Variants in ERC2 observed in about 807,000 individuals in gnomAD.
ERC2 encodes the protein ERC protein 2.
A neutral mutation model predicts 114.8 loss-of-function variants in ERC2; 42 were observed. That is an observed-to-expected ratio of 0.37 (90% CI 0.29 to 0.47). ERC2 has a LOEUF of 0.47. ERC2 is among the 20% of genes least tolerant of loss of function. The pLI, the probability that ERC2 is intolerant of heterozygous loss-of-function variation, is 0.99. For synonymous variants in ERC2, 454 were observed against 425.5 expected (o/e 1.07, Z -0.82); for missense variants, 939 against 1,150.7 (o/e 0.82, Z 2.66).
At chr3:55,655,302 T>G (rs890361388) in intron 17 of ERC2, among the ~76,000 whole-genome samples, 1 of 152,074 alleles carries the variant, frequency 6.6e-6, no homozygotes, top group Admixed American at 6.6e-5. Context: ...ATCCTTGTCA[T>G]GTAGTACAAA....
chr3:55,618,658 T>C (rs1297535900), intron 17 of ERC2, among the ~76,000 whole-genome samples: 1 of 152,224 alleles, frequency 6.6e-6, no homozygotes, highest in Admixed American at 6.5e-5. Context: ...ATTAGAAAGA[T>C]ACATAGTTCA....
chr3:56,242,284 A>C (rs1340538825), intron 3 of ERC2, among the ~76,000 whole-genome samples: 1 of 152,116 alleles, frequency 6.6e-6, no homozygotes, highest in East Asian at 1.9e-4. Context: ...TACAAGCATA[A>C]GAATGATATA....
At chr3:56,437,184 T>C (rs2062060778) in intron 1 of ERC2, among the ~76,000 whole-genome samples, 1 of 152,232 alleles carries the variant, frequency 6.6e-6, no homozygotes, top group Non-Finnish European at 1.5e-5. Context: ...TCTACCATAG[T>C]AATTAGAATA....
chr3:55,649,886 C>G (rs1270326099), intron 17 of ERC2, among the ~76,000 whole-genome samples: 1 of 152,182 alleles, frequency 6.6e-6, no homozygotes, highest in Non-Finnish European at 1.5e-5. Flanking sequence ...TCTGAAATGT[C>G]TGATGGGGAA....
chr3:56,204,251 G>A (rs773818536), intron 3 of ERC2, among the ~76,000 whole-genome samples: 15 of 152,140 alleles, frequency 9.9e-5, no homozygotes, highest in Non-Finnish European at 1.9e-4. Context: ...TAAGTGCCAT[G>A]AGGACAGGGG....
chr3:56,313,001 C>T (rs1480379716), intron 2 of ERC2, among the ~76,000 whole-genome samples: 35 of 43,884 alleles, frequency 8.0e-4, no homozygotes, highest in South Asian at 1.4e-3. Flanking sequence ...TATGTATATT[C>T]ATATATATAT....
intron 12 of ERC2, among the ~76,000 whole-genome samples, chr3:55,966,065 A>T (rs1447911418): frequency 6.6e-6 from 1 of 152,194 alleles, no homozygotes; most frequent in Non-Finnish European, 1.5e-5. Flanking sequence ...AGTGGTTTCC[A>T]AATAGCGTTC....
chr3:55,535,544 A>G (rs2053943527), intron 17 of ERC2, among the ~76,000 whole-genome samples: 1 of 152,200 alleles, frequency 6.6e-6, no homozygotes, highest in Non-Finnish European at 1.5e-5. Flanking sequence ...GACTGGTGTG[A>G]GCCACCGGCA....
At chr3:55,702,788 T>C (rs1371020480) in intron 15 of ERC2, among the ~76,000 whole-genome samples, 4 of 152,126 alleles carry the variant, frequency 2.6e-5, no homozygotes, top group Middle Eastern at 3.2e-3. Flanking sequence ...ATGCTTGAGG[T>C]GCCCGCTGAA....
intron 6 of ERC2, among the ~76,000 whole-genome samples, chr3:56,118,981 G>A (rs1360823460): frequency 6.6e-6 from 1 of 152,152 alleles, no homozygotes; most frequent in African/African-American, 2.4e-5. Context: ...TTTTGGTAAA[G>A]GGCCAGGTAG....
At chr3:56,119,979 T>C (rs2079480704) in intron 6 of ERC2, among the ~76,000 whole-genome samples, 1 of 152,046 alleles carries the variant, frequency 6.6e-6, no homozygotes, top group Non-Finnish European at 1.5e-5. Flanking sequence ...GGTAGAGAAG[T>C]ATGGAGGGAG....
At chr3:56,014,672 C>G (rs1481667433) in intron 8 of ERC2, among the ~76,000 whole-genome samples, 1 of 151,476 alleles carries the variant, frequency 6.6e-6, no homozygotes, top group Non-Finnish European at 1.5e-5. Flanking sequence ...TAGAATAAAT[C>G]AAATCTTAAT....
intron 7 of ERC2, among the ~76,000 whole-genome samples, chr3:56,032,885 A>AAGAAAGAAAGAG (rs1553781723): frequency 1.3e-5 from 1 of 79,172 alleles, no homozygotes; most frequent in Non-Finnish European, 2.7e-5. Context: ...GAAAGAAAGA[A>AAGAAAGAAAGAG]AGAGAGAGAG....
chr3:55,563,359 A>G (rs1318877903), intron 17 of ERC2, among the ~76,000 whole-genome samples: 4 of 146,756 alleles, frequency 2.7e-5, no homozygotes, highest in Non-Finnish European at 6.0e-5. Flanking sequence ...TTCAAGGACC[A>G]TATCTGCAAT....
intron 3 of ERC2, among the ~76,000 whole-genome samples, chr3:56,205,613 C>T (rs1420055022): frequency 4.6e-5 from 7 of 152,158 alleles, no homozygotes; most frequent in Admixed American, 4.6e-4. Context: ...AAATAACAAC[C>T]GTCTTGCCAG....
intron 13 of ERC2, among the ~76,000 whole-genome samples, chr3:55,933,070 A>G (rs967556920): frequency 5.3e-5 from 8 of 152,126 alleles, no homozygotes; most frequent in African/African-American, 1.9e-4. Flanking sequence ...TTAACCAGGC[A>G]TGGTGGTGAG....
chr3:56,390,530 A>G (rs1011375202), intron 2 of ERC2, among the ~76,000 whole-genome samples: 1 of 152,118 alleles, frequency 6.6e-6, no homozygotes, highest in African/African-American at 2.4e-5. Context: ...TAAAGCCAAA[A>G]CTAGGTTTAG....
chr3:56,077,388 T>TATAA (rs2077023458), intron 7 of ERC2, among the ~76,000 whole-genome samples: 1 of 152,220 alleles, frequency 6.6e-6, no homozygotes. Context: ...AAACCCATTA[T>TATAA]CTACATGACT....
At chr3:55,648,571 T>A (rs1406428774) in intron 17 of ERC2, among the ~76,000 whole-genome samples, 1 of 152,090 alleles carries the variant, frequency 6.6e-6, no homozygotes, top group African/African-American at 2.4e-5. Context: ...AGATACCCAG[T>A]CTGCATGGTT....
Sources: allele counts gnomAD v4.1 joint callset (sites outside exome capture counted in the v4.1 genomes callset), GRCh38; gene constraint gnomAD v4.1.1; transcripts MANE v1.5; gene names NCBI Gene and HGNC (gene_info 2026-07-23, HGNC 2026-07-21).